Variants in COL23A1 observed in about 807,000 individuals in gnomAD.
The protein encoded by COL23A1 is collagen alpha-1(XXIII) chain.
Under a neutral mutation model 99.3 loss-of-function variants are expected in COL23A1, and 97 were observed. The observed-to-expected ratio is 0.98, with a 90% CI of 0.83 to 1.16. The LOEUF (loss-of-function observed/expected upper bound fraction) is 1.16. Among genes scored for constraint, COL23A1 ranks in the 50% most tolerant of loss-of-function variants. COL23A1 has a pLI of 0.00. For synonymous variants in COL23A1, 320 were observed against 308.2 expected (o/e 1.04, Z -0.40); for missense variants, 762 against 757.4 (o/e 1.01, Z -0.07).
rs73349080 is a variant in COL23A1 at position 178,393,040 on chromosome 5, C to A, written c.362-86121G>T. 3.5e-3 allele frequency among the ~76,000 whole-genome samples: 532 copies of A among 152,336 alleles called. 4 individuals carry two copies. The highest frequency in any genetic ancestry group is 0.012 in the African/African-American group (514 of 41,578). Reference sequence around the variant, plus strand: ...CAGGCAGGACAAGAGCCCAAGGACCCACAGCGGGTGCCTGGCAGAAAAGCA... The same window carrying A: ...CAGGCAGGACAAGAGCCCAAGGACCAACAGCGGGTGCCTGGCAGAAAAGCA... On this transcript the variant is annotated intron_variant, in intron 2 of 28. Transcript: ENST00000390654.
At chr5:178,283,205 AAC>A (rs745447255) in intron 5 of COL23A1, among the ~76,000 whole-genome samples, 6 of 152,024 alleles carry the variant, frequency 3.9e-5, no homozygotes, top group East Asian at 1.9e-4. Flanking sequence ...GATTTCTATA[AAC>A]ACAGAGTCAA....
intron 2 of COL23A1, among the ~76,000 whole-genome samples, chr5:178,357,037 T>C (rs1761696410): frequency 6.6e-6 from 1 of 152,206 alleles, no homozygotes; most frequent in African/African-American, 2.4e-5. Flanking sequence ...CAAATGCAAG[T>C]ATTGTCTAAA....
Position 178,254,977 on chromosome 5 carries a change from T to C in COL23A1, c.932A>G (p.Tyr311Cys), listed in dbSNP as rs750511042. 30 of 1,613,688 alleles carry C rather than the reference T, an allele frequency of 1.9e-5. No individual in the cohort carries two copies. The South Asian group carries it at 3.2e-4, about 17-fold the overall frequency. Reference sequence around the variant, plus strand: ...GAGGGCATCCAAGATCCTGCCATCATAGTCGATCACCACTGTGTCTCCCTG... The same window carrying C: ...GAGGGCATCCAAGATCCTGCCATCACAGTCGATCACCACTGTGTCTCCCTG... Reference protein sequence around the residue: ...GEQGDTVVIDYDGRILDALKG... With the variant: ...GEQGDTVVIDCDGRILDALKG... Residue 311 changes from tyrosine (Y) to cysteine (C), a missense_variant, in exon 16 of 29, where the codon TAT becomes TGT. Coordinates refer to ENST00000390654, the MANE Select transcript of COL23A1 (RefSeq NM_173465.4).
At chr5:178,535,435 C>T (rs1581586061) in intron 2 of COL23A1, among the ~76,000 whole-genome samples, 1 of 152,258 alleles carries the variant, frequency 6.6e-6, no homozygotes, top group Non-Finnish European at 1.5e-5. Flanking sequence ...GCTGAGCATG[C>T]TCCTGTGAGC....
At chr5:178,556,305 G>A (rs1762268076) in intron 2 of COL23A1, among the ~76,000 whole-genome samples, 1 of 152,160 alleles carries the variant, frequency 6.6e-6, no homozygotes, top group African/African-American at 2.4e-5. Flanking sequence ...AAAAGAAGGA[G>A]GAGGAGGAGT....
chr5:178,443,686 G>C (rs958754418), intron 2 of COL23A1, among the ~76,000 whole-genome samples: 33 of 151,172 alleles, frequency 2.2e-4, no homozygotes, highest in Admixed American at 4.0e-4. Context: ...TCAAACTCCT[G>C]ACCTCAAGTG....
At chr5:178,370,613 C>T (rs1762748107) in intron 2 of COL23A1, among the ~76,000 whole-genome samples, 2 of 152,086 alleles carry the variant, frequency 1.3e-5, no homozygotes, top group African/African-American at 4.8e-5. Context: ...CTTTGTAATC[C>T]CAGCACTTTG....
chr5:178,444,818 T>TA (rs1328355900), intron 2 of COL23A1, among the ~76,000 whole-genome samples: 1 of 151,868 alleles, frequency 6.6e-6, no homozygotes, highest in African/African-American at 2.4e-5. Flanking sequence ...AACAAACAAA[T>TA]AAAAAAACCC....
intron 2 of COL23A1, among the ~76,000 whole-genome samples, chr5:178,495,816 T>C (rs1337237404): frequency 6.6e-6 from 1 of 152,170 alleles, no homozygotes; most frequent in Non-Finnish European, 1.5e-5. Context: ...TTAACATCTG[T>C]GAATGCTTTC....
chr5:178,389,530 C>T (rs1763852895), intron 2 of COL23A1, among the ~76,000 whole-genome samples: 1 of 152,224 alleles, frequency 6.6e-6, no homozygotes, highest in African/African-American at 2.4e-5. Flanking sequence ...CATTCTCATC[C>T]CTCCTCACAG....
At position 178,517,870 on chromosome 5, in the gene COL23A1, GTTCTTTTTTTTTTTT is replaced by G. The variant is rs1759634563; in HGVS notation, c.361+42797_361+42811del. Reference sequence around the variant, plus strand: ...CCGCCGTGCCTGGCCAGCAACAGCGGTTCTTTTTTTTTTTTTTTTTTTTTTTTTTTTTAATTTATT... The same window carrying G: ...CCGCCGTGCCTGGCCAGCAACAGCGGTTTTTTTTTTTTTTTTTAATTTATT... On this transcript the variant is annotated intron_variant, in intron 2 of 28. Coordinates refer to ENST00000390654, the MANE Select transcript of COL23A1 (RefSeq NM_173465.4). Among the ~76,000 whole-genome samples, 8 of 81,928 alleles carry G rather than the reference GTTCTTTTTTTTTTTT, an allele frequency of 9.8e-5. 1 individual carries two copies. In the South Asian group the frequency reaches 3.2e-3, roughly 33 times the overall value. 53.7% of individuals were successfully genotyped at this position (81,928 alleles called of 152,430 possible).
intron 2 of COL23A1, among the ~76,000 whole-genome samples, chr5:178,354,899 A>G (rs1246178319): frequency 6.6e-6 from 1 of 152,110 alleles, no homozygotes; most frequent in Non-Finnish European, 1.5e-5. Context: ...TCTAGTAAAA[A>G]TACAAAAAAT....
At chr5:178,396,776 G>T (rs1407726374) in intron 2 of COL23A1, among the ~76,000 whole-genome samples, 1 of 99,146 alleles carries the variant, frequency 1.0e-5, no homozygotes, top group Admixed American at 1.0e-4. Context: ...GCGGGCAGGC[G>T]CTCTGGGCAT....
intron 5 of COL23A1, among the ~76,000 whole-genome samples, chr5:178,287,835 C>T (rs956362411): frequency 1.2e-4 from 19 of 152,208 alleles, no homozygotes; most frequent in South Asian, 6.2e-4. Flanking sequence ...CTCACTTGGC[C>T]GGGGCTAGGA....
intron 11 of COL23A1, 60 bp from the exon 12 acceptor site, chr5:178,259,807 C>G: frequency 6.7e-7 from 1 of 1,502,474 alleles, no homozygotes; most frequent in Non-Finnish European, 9.1e-7. Context: ...GTGGCCCGGA[C>G]CCCGGACCTC....
chr5:178,474,803 G>T (rs540611573), intron 2 of COL23A1, among the ~76,000 whole-genome samples: 1 of 152,336 alleles, frequency 6.6e-6, no homozygotes, highest in South Asian at 2.1e-4. Context: ...AAACTAGACA[G>T]AACAGGAGGC....
intron 3 of COL23A1, among the ~76,000 whole-genome samples, chr5:178,298,128 G>C (rs1046770694): frequency 1.3e-5 from 2 of 152,192 alleles, no homozygotes; most frequent in Admixed American, 6.5e-5. Context: ...TGTCAGGAAT[G>C]TGGGAGCAAT....
At chr5:178,490,179 T>C (rs1757850618) in intron 2 of COL23A1, among the ~76,000 whole-genome samples, 1 of 150,856 alleles carries the variant, frequency 6.6e-6, no homozygotes, top group African/African-American at 2.4e-5. Flanking sequence ...TAAGCCGAGA[T>C]CACACAACTG....
intron 2 of COL23A1, among the ~76,000 whole-genome samples, chr5:178,558,533 G>T (rs11960831): frequency 0.059 from 8,942 of 152,026 alleles, 321 homozygotes; most frequent in South Asian, 0.12. Flanking sequence ...AATTTCACTC[G>T]GGCCTTTTTT....
Sources: allele counts gnomAD v4.1 joint callset (sites outside exome capture counted in the v4.1 genomes callset), GRCh38; gene constraint gnomAD v4.1.1; transcripts MANE v1.5; gene names NCBI Gene and HGNC (gene_info 2026-07-23, HGNC 2026-07-21).